POU2F1: variants seen among roughly 807,000 people sequenced by gnomAD.
The protein encoded by POU2F1 is POU class 2 homeobox 1.
In POU2F1, 16 loss-of-function variants were observed where a neutral mutation model predicts 84.9. The observed-to-expected ratio is 0.19, with a 90% CI of 0.13 to 0.29. The LOEUF is 0.29. POU2F1 is among the 10% of genes least tolerant of loss of function. The pLI is 1.00. For synonymous variants in POU2F1, 368 were observed against 368.3 expected (o/e 1.00, Z 0.01); for missense variants, 738 against 942.6 (o/e 0.78, Z 2.84).
At position 167,267,271 on chromosome 1, in the gene POU2F1, A is replaced by G. The variant is rs530157319; in HGVS notation, c.61+46313A>G. 7.2e-5 allele frequency among the ~76,000 whole-genome samples: 11 copies of G among 152,214 alleles called. No individual in the cohort carries two copies. In the East Asian group the frequency reaches 1.7e-3, roughly 24 times the overall value. On this transcript the variant is annotated intron_variant, in intron 1 of 15. Transcript: ENST00000367866. The stretch of plus-strand genomic sequence containing the variant: ...GTAGTAGGTATGGCATGTGATACCA[A>G]ACTATATATGCAAGACATGCATAGA...
intron 1 of POU2F1, among the ~76,000 whole-genome samples, chr1:167,253,923 A>T (rs1312835236): frequency 2.0e-5 from 3 of 152,176 alleles, no homozygotes; most frequent in African/African-American, 4.8e-5. Flanking sequence ...TACAGGTAGG[A>T]TAAAGAGGCA....
chr1:167,220,893 T>A lies in POU2F1; in HGVS notation c.-5T>A. On this transcript the variant is annotated 5_prime_UTR_variant, in exon 1 of 16. Coordinates refer to ENST00000367866, the MANE Select transcript of POU2F1 (RefSeq NM_002697.4). ...GACCGGGCGATTTTGGTTAAAATATTCAAAATGGCGGACGGAGGAGCAGCG... is the reference window on the plus strand; with the variant it reads ...GACCGGGCGATTTTGGTTAAAATATACAAAATGGCGGACGGAGGAGCAGCG... 1 of 1,534,734 alleles carries A rather than the reference T, an allele frequency of 6.5e-7. No homozygotes were observed. Among genetic ancestry groups the A allele is most frequent in the South Asian group, 1.2e-5 (1 of 83,974 alleles).
intron 2 of POU2F1, among the ~76,000 whole-genome samples, chr1:167,342,483 G>A (rs979379459): frequency 2.0e-5 from 3 of 152,140 alleles, no homozygotes; most frequent in African/African-American, 7.2e-5. Context: ...TCATAAAAGA[G>A]CATGATCAGA....
At chr1:167,276,471 A>G (rs575713329) in intron 1 of POU2F1, among the ~76,000 whole-genome samples, 1 of 152,286 alleles carries the variant, frequency 6.6e-6, no homozygotes, top group South Asian at 2.1e-4. Flanking sequence ...TAGGAAAAAC[A>G]TAGTGTTATA....
chr1:167,413,960 G>A (rs1019533059), intron 15 of POU2F1, among the ~76,000 whole-genome samples: 4 of 150,358 alleles, frequency 2.7e-5, no homozygotes, highest in Non-Finnish European at 2.9e-5. Flanking sequence ...GCACCCCAGC[G>A]TGGGTAACAC....
At chr1:167,396,156 G>T (rs1014218961) in intron 9 of POU2F1, 130 bp from the exon 10 acceptor site, 2 of 1,081,290 alleles carry the variant, frequency 1.8e-6, no homozygotes, top group East Asian at 2.4e-5. Context: ...GTGGGACCCC[G>T]TAAGTGGAAT....
At chr1:167,290,931 A>G (rs186017953) in intron 1 of POU2F1, among the ~76,000 whole-genome samples, 319 of 152,114 alleles carry the variant, frequency 2.1e-3, no homozygotes, top group African/African-American at 7.4e-3. Flanking sequence ...CTATAATCCC[A>G]GCTACTGGGG....
At chr1:167,254,264 A>T (rs1229236067) in intron 1 of POU2F1, among the ~76,000 whole-genome samples, 6 of 152,160 alleles carry the variant, frequency 3.9e-5, no homozygotes, top group Non-Finnish European at 8.8e-5. Context: ...AACATTTGGG[A>T]GTCTCAATTC....
At chr1:167,284,830 G>A (rs1448522122) in intron 1 of POU2F1, among the ~76,000 whole-genome samples, 3 of 152,094 alleles carry the variant, frequency 2.0e-5, no homozygotes, top group Admixed American at 2.0e-4. Flanking sequence ...AGCTGTTTTA[G>A]TTTAGAATTC....
intron 1 of POU2F1, among the ~76,000 whole-genome samples, chr1:167,225,959 G>A (rs1246066110): frequency 2.6e-5 from 4 of 152,288 alleles, no homozygotes; most frequent in East Asian, 3.9e-4. Context: ...CAGTTTTTGT[G>A]ATTAGTAAAG....
rs549797076 is a variant in POU2F1 at position 167,222,832 on chromosome 1, C to G, written c.61+1874C>G. Among the ~76,000 whole-genome samples the G allele has an allele frequency of 2.0e-5, 3 of 152,270 alleles. No homozygotes were observed. The South Asian group carries it at 6.2e-4, about 32-fold the overall frequency. ...CTGTCCTGTATTTTATTTTCAGAGC[C>G]TATGAAATCTATTTTGGTTTAATCC... is the stretch of plus-strand genomic sequence containing the variant. On this transcript the variant is annotated intron_variant, in intron 1 of 15. Coordinates refer to ENST00000367866, the MANE Select transcript of POU2F1 (RefSeq NM_002697.4).
intron 3 of POU2F1, 68 bp from the exon 4 acceptor site, chr1:167,370,093 T>G: frequency 7.5e-7 from 1 of 1,335,842 alleles, no homozygotes. Context: ...AGACTTTATT[T>G]AGTGATGACA....
At chr1:167,329,443 G>A (rs1246917084) in intron 1 of POU2F1, 2 of 986,964 alleles carry the variant, frequency 2.0e-6, no homozygotes, top group African/African-American at 1.7e-5. Context: ...CAGGGAAGGA[G>A]GAAAGCATTT....
intron 1 of POU2F1, among the ~76,000 whole-genome samples, chr1:167,323,688 C>G (rs182789968): frequency 6.6e-6 from 1 of 152,022 alleles, no homozygotes; most frequent in East Asian, 1.9e-4. Context: ...TTTAATCACA[C>G]TATTTATTTA....
At chr1:167,345,569 G>A (rs1327402778) in intron 2 of POU2F1, among the ~76,000 whole-genome samples, 1 of 152,184 alleles carries the variant, frequency 6.6e-6, no homozygotes, top group East Asian at 1.9e-4. Flanking sequence ...AGCATTCATT[G>A]TGTTTCTGAG....
intron 1 of POU2F1, among the ~76,000 whole-genome samples, chr1:167,301,961 G>A (rs753190957): frequency 2.6e-5 from 4 of 151,918 alleles, no homozygotes; most frequent in Non-Finnish European, 2.9e-5. Flanking sequence ...ATCTTAATAA[G>A]GTTTTCATCA....
chr1:167,415,959 A>G lies in POU2F1; in HGVS notation c.*149A>G, dbSNP rs1007417160. On this transcript the variant is annotated 3_prime_UTR_variant, in exon 16 of 16. Transcript: ENST00000367866. ...GAAGGGAGAAAAAAAAAAAAAAACCACACACACCCATACACACATACCAGA... is the reference window on the plus strand; with the variant it reads ...GAAGGGAGAAAAAAAAAAAAAAACCGCACACACCCATACACACATACCAGA... The G allele has an allele frequency of 6.8e-6, 5 of 732,360 alleles. No homozygotes were observed. The African/African-American group carries it at 7.1e-5, about 10-fold the overall frequency. 45.4% of individuals were successfully genotyped at this position (732,360 alleles called of 1,614,324 possible).
rs756900983 is a variant in POU2F1, at chr1:167,370,226, C to T, written c.282+12C>T. On this transcript the variant is annotated intron_variant, in intron 4 of 15. Transcript: ENST00000367866. ...CTTTAAATGTACAGGTAAGCTGGGA[C>T]CTGGGATTATGGGTCAATCTTTTAT... is the stretch of plus-strand genomic sequence containing the variant. The T allele has an allele frequency of 8.2e-6, 13 of 1,585,156 alleles. No individual in the cohort carries two copies. Among genetic ancestry groups the T allele is most frequent in the Non-Finnish European group, 1.1e-5 (13 of 1,161,518 alleles).
intron 1 of POU2F1, among the ~76,000 whole-genome samples, chr1:167,269,381 A>G (rs895218066): frequency 6.6e-6 from 1 of 152,212 alleles, no homozygotes; most frequent in Non-Finnish European, 1.5e-5. Flanking sequence ...TAGCAAGTCT[A>G]TTGAAATAGA....
Sources: allele counts gnomAD v4.1 joint callset (sites outside exome capture counted in the v4.1 genomes callset), GRCh38; gene constraint gnomAD v4.1.1; transcripts MANE v1.5; gene names NCBI Gene and HGNC (gene_info 2026-07-23, HGNC 2026-07-21).